The following ARID2 variants were observed in gnomAD, a reference collection of about 807,000 sequenced individuals.
The protein encoded by ARID2 is AT-rich interaction domain 2.
ARID2 carries 32 observed loss-of-function variants against 184.6 expected under a neutral mutation model. The observed-to-expected ratio is 0.17, with a 90% CI of 0.13 to 0.23. The LOEUF (loss-of-function observed/expected upper bound fraction) is 0.23. ARID2 is among the 10% of genes least tolerant of loss of function. The probability of loss-of-function intolerance (pLI) is 1.00; values close to 1 mark genes in which losing one functional copy is unlikely to be tolerated. For synonymous variants in ARID2, 836 were observed against 772.6 expected, an observed-to-expected ratio of 1.08 and a Z score of -1.36; for missense variants, 1,696 against 2,197.6, an observed-to-expected ratio of 0.77 and a Z score of 4.56.
intron 16 of ARID2, among the ~76,000 whole-genome samples, chr12:45,879,126 A>T (rs767287825): frequency 6.6e-6 from 1 of 152,170 alleles, no homozygotes; most frequent in South Asian, 2.1e-4. Context: ...CTATAATCTT[A>T]TGATTAAATC....
At chr12:45,904,375 G>GTGCA (rs1565646811) in intron 20 of ARID2, 1 of 715,918 alleles carries the variant, frequency 1.4e-6, no homozygotes, top group Non-Finnish European at 2.6e-6. Context: ...GAATTTTGCT[G>GTGCA]TGCAGCCTTC....
rs149565555 is a variant in ARID2 at position 45,772,012 on chromosome 12, C to T, written c.285-39406C>T. Among the ~76,000 whole-genome samples, 828 of 151,936 alleles carry T rather than the reference C, an allele frequency of 5.4e-3. 7 individuals carry two copies. Among genetic ancestry groups the T allele is most frequent in the African/African-American group, 0.019 (791 of 41,410 alleles). Reference sequence around the variant, plus strand: ...CAAAAAGGAGGAAAAGGAAATAGAGCTATATAGGAGTAACATCTTCACATC... The same window carrying T: ...CAAAAAGGAGGAAAAGGAAATAGAGTTATATAGGAGTAACATCTTCACATC... On this transcript the variant is annotated intron_variant, in intron 3 of 20. Transcript: ENST00000334344.
chr12:45,794,722 G>A (rs1592080943), intron 3 of ARID2, among the ~76,000 whole-genome samples: 1 of 152,100 alleles, frequency 6.6e-6, no homozygotes, highest in South Asian at 2.1e-4. Context: ...TAGCTTCCCC[G>A]ATGGTAACAG....
At chr12:45,798,403 C>G (rs891867745) in intron 3 of ARID2, among the ~76,000 whole-genome samples, 2 of 152,102 alleles carry the variant, frequency 1.3e-5, no homozygotes, top group Non-Finnish European at 2.9e-5. Flanking sequence ...ATCTGGAAAA[C>G]CAGGAATTAG....
intron 16 of ARID2, among the ~76,000 whole-genome samples, chr12:45,872,417 T>C (rs1212128164): frequency 6.6e-6 from 1 of 152,236 alleles, no homozygotes; most frequent in East Asian, 1.9e-4. Flanking sequence ...TTGATTTCTC[T>C]ATTAATCTGT....
intron 4 of ARID2, among the ~76,000 whole-genome samples, chr12:45,814,672 TC>T (rs1167343673): frequency 6.6e-6 from 1 of 152,092 alleles, no homozygotes; most frequent in Admixed American, 6.6e-5. Flanking sequence ...ACTTCCCTCC[TC>T]ATTCCAGTTA....
At chr12:45,802,461 G>A (rs1322791207) in intron 3 of ARID2, among the ~76,000 whole-genome samples, 1 of 152,082 alleles carries the variant, frequency 6.6e-6, no homozygotes, top group African/African-American at 2.4e-5. Context: ...TTTAAAAAAT[G>A]TTCCATATTG....
chr12:45,892,049 A>G lies in ARID2; in HGVS notation c.5100A>G (p.Leu1700=). Residue 1700 remains leucine (L), a synonymous_variant, in exon 18 of 21, where the codon TTA becomes TTG. Transcript: ENST00000334344. ...CAAAGGATGCCCTACTTGCAGGATT[A>G]AAACAAGATGAACCAGGACAAGCAG... is the stretch of plus-strand genomic sequence containing the variant. The part of the protein sequence containing the change: ...HCSKDALLAG[L]KQDEPGQAGS... The G allele has an allele frequency of 6.2e-7, 1 of 1,614,182 alleles. No individual in the cohort carries two copies. The highest frequency in any genetic ancestry group is 8.5e-7 in the Non-Finnish European group (1 of 1,180,004).
intron 3 of ARID2, among the ~76,000 whole-genome samples, chr12:45,745,519 T>A (rs983544760): frequency 1.3e-5 from 2 of 152,164 alleles, no homozygotes; most frequent in African/African-American, 2.4e-5. Context: ...CTATCAGAGA[T>A]TTCTTTGCTA....
chr12:45,904,300 CCT>C (rs1316894551), intron 20 of ARID2: 23 of 712,438 alleles, frequency 3.2e-5, no homozygotes, highest in Non-Finnish European at 4.7e-5. Context: ...CCATTTTGTT[CCT>C]CTCCAGCTGT....
intron 3 of ARID2, among the ~76,000 whole-genome samples, chr12:45,762,000 A>T (rs930369398): frequency 6.6e-6 from 1 of 152,276 alleles, no homozygotes; most frequent in Non-Finnish European, 1.5e-5. Flanking sequence ...TCTTCATTGC[A>T]ATAATTATAT....
At chr12:45,794,963 AGTTT>A (rs1942361477) in intron 3 of ARID2, among the ~76,000 whole-genome samples, 1 of 151,670 alleles carries the variant, frequency 6.6e-6, no homozygotes, top group Non-Finnish European at 1.5e-5. Context: ...TTTCCCCACA[AGTTT>A]CTTTCTTTTT....
chr12:45,765,246 C>T (rs1941750136), intron 3 of ARID2, among the ~76,000 whole-genome samples: 1 of 152,030 alleles, frequency 6.6e-6, no homozygotes, highest in Non-Finnish European at 1.5e-5. Flanking sequence ...CTCTCTCTGT[C>T]ACACAGGCTG....
At position 45,905,074 on chromosome 12, in the gene ARID2, A is replaced by G; in HGVS notation, c.5504A>G (p.Gln1835Arg). 1.2e-6 allele frequency: 2 copies of G among 1,613,214 alleles called. No homozygotes were observed. Among genetic ancestry groups the G allele is most frequent in the Non-Finnish European group, 1.7e-6 (2 of 1,179,616 alleles). ...KEQEKDSEML[Q>R] ...CAAGAAAAAGACTCAGAAATGCTGC[A>G]GTGAAAAATAATTCCACTTACACAG... The change falls in exon 21 of 21, where the codon CAG becomes CGG. Residue 1835 changes from glutamine (Q) to arginine (R), a missense_variant. Transcript: ENST00000334344.
intron 3 of ARID2, among the ~76,000 whole-genome samples, chr12:45,760,252 C>T (rs1346664824): frequency 6.6e-6 from 1 of 152,076 alleles, no homozygotes; most frequent in African/African-American, 2.4e-5. Flanking sequence ...ATTGAAGTGT[C>T]TCTTTGGGCT....
intron 3 of ARID2, among the ~76,000 whole-genome samples, chr12:45,760,909 T>G (rs1941665430): frequency 6.6e-6 from 1 of 152,164 alleles, no homozygotes; most frequent in Non-Finnish European, 1.5e-5. Flanking sequence ...TTGCCTGGGC[T>G]GGAGTGCAGT....
chr12:45,799,965 T>G (rs932569575), intron 3 of ARID2, among the ~76,000 whole-genome samples: 7 of 152,182 alleles, frequency 4.6e-5, no homozygotes, highest in African/African-American at 1.7e-4. Flanking sequence ...TTCTCCCACC[T>G]TAGCCCTCCG....
At chr12:45,890,033 GTTAGA>G (rs1004838633) in intron 16 of ARID2, among the ~76,000 whole-genome samples, 1 of 152,184 alleles carries the variant, frequency 6.6e-6, no homozygotes, top group African/African-American at 2.4e-5. Flanking sequence ...TTCATTCATA[GTTAGA>G]TTAGAACTTT....
intron 15 of ARID2, among the ~76,000 whole-genome samples, chr12:45,858,318 G>A (rs1046446465): frequency 2.6e-5 from 4 of 151,970 alleles, no homozygotes; most frequent in African/African-American, 4.8e-5. Flanking sequence ...CTGTGATCAC[G>A]CCATTGCACT....
Sources: gnomAD v4.1 joint callset for allele counts (sites outside exome capture counted in the v4.1 genomes callset) on GRCh38, gnomAD v4.1.1 for gene constraint, MANE v1.5 for transcripts, NCBI Gene and HGNC (gene_info 2026-07-23, HGNC 2026-07-21) for gene names.